Variants in CDCP2 observed in about 807,000 individuals in gnomAD.
CDCP2 encodes CUB domain-containing protein 2.
In CDCP2, 31 loss-of-function variants were observed where a neutral mutation model predicts 31.0. The observed-to-expected ratio is 1.00, with a 90% CI of 0.75 to 1.35. The LOEUF (loss-of-function observed/expected upper bound fraction) is 1.35. Ranked by LOEUF, CDCP2 falls within the 40% of genes most tolerant of loss-of-function variation. The probability of loss-of-function intolerance (pLI) is 0.00; values close to 1 mark genes in which losing one functional copy is unlikely to be tolerated. For missense variants in CDCP2, 443 were observed against 482.6 expected (o/e 0.92, Z 0.77); for synonymous variants, 206 against 207.9 (o/e 0.99, Z 0.08).
At chr1:54,140,764 C>A (rs186546085) in intron 3 of CDCP2, 29 of 236,004 alleles carry the variant, frequency 1.2e-4, no homozygotes, top group East Asian at 1.2e-3. Context: ...TACTATGTGC[C>A]AGGTACAAAG....
At chr1:54,147,845 A>G (rs1369094971) in intron 1 of CDCP2, among the ~76,000 whole-genome samples, 3 of 151,334 alleles carry the variant, frequency 2.0e-5, no homozygotes, top group Non-Finnish European at 4.4e-5. Flanking sequence ...CCCCATCTCT[A>G]CAAAAAAAAT....
intron 5 of CDCP2, 92 bp from the exon 6 acceptor site, chr1:54,133,386 G>C (rs1659199307): frequency 2.5e-6 from 1 of 397,808 alleles, no homozygotes; most frequent in Non-Finnish European, 4.4e-6. Context: ...CAGGGGGGCA[G>C]AGCCCGAGGA....
At chr1:54,149,805 G>A (rs1348603126) in intron 1 of CDCP2, among the ~76,000 whole-genome samples, 1 of 152,224 alleles carries the variant, frequency 6.6e-6, no homozygotes, top group African/African-American at 2.4e-5. Flanking sequence ...GGTGCTTAGT[G>A]TATATTTGCT....
chr1:54,144,504 T>G, exon 2 of CDCP2: 3 of 1,599,266 alleles, frequency 1.9e-6, no homozygotes, highest in Non-Finnish European at 2.6e-6. Flanking sequence ...GCTGGCCACA[T>G]GCTTGTCCGA....
At chr1:54,152,731 C>T in intron 1 of CDCP2, 113 bp downstream of exon 1, 1 of 932,464 alleles carries the variant, frequency 1.1e-6, no homozygotes, top group Non-Finnish European at 1.7e-6. Context: ...AGCCACGTCC[C>T]CTAAAAGGAC....
At chr1:54,151,618 G>A (rs1264810427) in intron 1 of CDCP2, among the ~76,000 whole-genome samples, 2 of 152,180 alleles carry the variant, frequency 1.3e-5, no homozygotes, top group African/African-American at 4.8e-5. Context: ...CCAGGCATGG[G>A]TTGAGATGCT....
At chr1:54,144,349 A>G (rs2100427403) in intron 2 of CDCP2, 117 bp downstream of exon 2, 2 of 933,236 alleles carry the variant, frequency 2.1e-6, no homozygotes, top group Middle Eastern at 3.1e-4. Flanking sequence ...CAGCTCCTCC[A>G]CTGCCAAATC....
intron 3 of CDCP2, chr1:54,140,584 A>C: frequency 1.3e-5 from 3 of 224,868 alleles, no homozygotes; most frequent in Non-Finnish European, 2.6e-5. Flanking sequence ...CTTCCGTCTA[A>C]CTCCTTCAGG....
rs570472845 is a variant in CDCP2 at position 54,140,166 on chromosome 1, C to T, written c.764-60G>A. 36 of 1,526,332 alleles carry T rather than the reference C, an allele frequency of 2.4e-5. No homozygotes were observed. In the East Asian group the frequency reaches 7.9e-4, roughly 34 times the overall value. 94.5% of individuals were successfully genotyped at this position (1,526,332 alleles called of 1,614,324 possible). On this transcript the variant is annotated intron_variant, in intron 3 of 5. Transcript: ENST00000530059. ...GTGAGGGGAGAGGAGAAGTCACTCTCTGCAGTTACAGCTTAGGCAGCAGGT... is the reference window on the plus strand; with the variant it reads ...GTGAGGGGAGAGGAGAAGTCACTCTTTGCAGTTACAGCTTAGGCAGCAGGT...
At chr1:54,143,444 A>G (rs1242269432) in intron 2 of CDCP2, 1 of 68,178 alleles carries the variant, frequency 1.5e-5, no homozygotes, top group Non-Finnish European at 3.3e-5. Context: ...TTTTAAATAT[A>G]GGGGATTAAC....
exon 5 of CDCP2, chr1:54,136,771 G>C: frequency 2.5e-6 from 1 of 399,212 alleles, no homozygotes; most frequent in Non-Finnish European, 4.4e-6. Context: ...TCAGGATCTG[G>C]AAGTCCGTGC....
chr1:54,132,951 G>T, downstream of CDCP2: 1 of 398,780 alleles, frequency 2.5e-6, no homozygotes, highest in Admixed American at 4.4e-5. Context: ...CAGATGCCAG[G>T]TCCCTATGCT....
At chr1:54,139,445 G>T in intron 4 of CDCP2, 1 of 1,177,990 alleles carries the variant, frequency 8.5e-7, no homozygotes. Context: ...GGATACAGGG[G>T]ACCAATAACA....
At chr1:54,133,624 C>CAT (rs1557704320) in intron 5 of CDCP2, among the ~76,000 whole-genome samples, 10 of 152,160 alleles carry the variant, frequency 6.6e-5, no homozygotes, top group South Asian at 2.1e-4. Flanking sequence ...TGGCCGGGTG[C>CAT]GGTGGCTCAC....
chr1:54,152,880 G>A (rs1490482865), exon 1 of CDCP2: 2 of 1,614,090 alleles, frequency 1.2e-6, no homozygotes, highest in Non-Finnish European at 1.7e-6. Context: ...GGGCCCAGCA[G>A]TGCCACTGCC....
At chr1:54,151,534 G>A (rs1355674492) in intron 1 of CDCP2, among the ~76,000 whole-genome samples, 1 of 152,172 alleles carries the variant, frequency 6.6e-6, no homozygotes, top group African/African-American at 2.4e-5. Context: ...CAGGCACACT[G>A]ATGTCCAGGG....
In CDCP2 at chr1:54,140,114, G is replaced by A. The variant is rs756546218; in HGVS notation, c.764-8C>T. On this transcript the variant is annotated splice_region_variant and splice_polypyrimidine_tract_variant and intron_variant, in intron 3 of 5. Transcript: ENST00000530059. ...ATACCTCCTGGCATTCTCCTGGATG[G>A]GGGATGGGGAGGTGGAAGGAGCAAC... 1.2e-5 allele frequency: 20 copies of A among 1,611,932 alleles called. No homozygotes were observed. The South Asian group carries it at 2.1e-4, about 17-fold the overall frequency.
intron 4 of CDCP2, chr1:54,138,034 G>A (rs1659290536): frequency 6.6e-6 from 1 of 152,280 alleles, no homozygotes; most frequent in Non-Finnish European, 1.5e-5. Flanking sequence ...ACAAGGATCT[G>A]AGGGGGAGGG....
Position 54,144,713 on chromosome 1 carries a change from G to A in CDCP2, c.180C>T (p.Ile60=), listed in dbSNP as rs150004831. 5.8e-5 allele frequency: 94 copies of A among 1,614,238 alleles called. 1 individual carries two copies. Among genetic ancestry groups the A allele is most frequent in the African/African-American group, 4.0e-4 (30 of 75,058 alleles). Residue 60 remains isoleucine (I), a synonymous_variant, in exon 2 of 6, where the codon ATC becomes ATT. Coordinates refer to ENST00000530059, the Ensembl canonical transcript of CDCP2. ...GCACCGAGGATCCCTCGGCCACCAC[G>A]ATCAGCCAGCTGCACTCTGTGTTGT...
Sources: gnomAD v4.1 joint callset for allele counts (sites outside exome capture counted in the v4.1 genomes callset) on GRCh38, gnomAD v4.1.1 for gene constraint, MANE v1.5 for transcripts, NCBI Gene and HGNC (gene_info 2026-07-23, HGNC 2026-07-21) for gene names.